The following NHSL1 variants were observed in gnomAD, a reference collection of about 807,000 sequenced individuals.
NHSL1 encodes NHS like 1, also known as NHS-like protein 1.
NHSL1 carries 48 observed loss-of-function variants against 95.0 expected under a neutral mutation model. The ratio of observed to expected loss-of-function variants is 0.51; its 90% CI spans 0.40 to 0.64. The LOEUF (loss-of-function observed/expected upper bound fraction) is 0.64, where lower values mean the gene tolerates loss of function less well. Among genes scored for constraint, NHSL1 ranks in the 30% least tolerant of loss-of-function variants. NHSL1 has a pLI of 0.00. For synonymous variants in NHSL1, 783 were observed against 833.9 expected (o/e 0.94, Z 1.05); for missense variants, 1,971 against 2,077.7 (o/e 0.95, Z 1.00).
chr6:138,607,500 C>T (rs572663102), intron 1 of NHSL1, among the ~76,000 whole-genome samples: 1 of 152,306 alleles, frequency 6.6e-6, no homozygotes, highest in South Asian at 2.1e-4. Flanking sequence ...CACCTTAAAA[C>T]TGTGCGTGTT....
chr6:138,518,995 G>C (rs1781564574), intron 1 of NHSL1, among the ~76,000 whole-genome samples: 1 of 152,036 alleles, frequency 6.6e-6, no homozygotes, highest in Non-Finnish European at 1.5e-5. Context: ...TCCAGCCTGG[G>C]TGACAGAGCA....
At chr6:138,583,983 G>A (rs1285943171) in intron 1 of NHSL1, among the ~76,000 whole-genome samples, 1 of 152,146 alleles carries the variant, frequency 6.6e-6, no homozygotes, top group East Asian at 1.9e-4. Flanking sequence ...GCTGGATGCG[G>A]TGGTGCTCGC....
chr6:138,692,094 CT>C lies in NHSL1; in HGVS notation c.96+381del, dbSNP rs1420433422. 25 of 455,312 alleles carry C rather than the reference CT, an allele frequency of 5.5e-5. No homozygotes were observed. The Admixed American group carries it at 5.9e-4, about 11-fold the overall frequency. 28.2% of individuals were successfully genotyped at this position (455,312 alleles called of 1,614,324 possible). On this transcript the variant is annotated intron_variant, in intron 1 of 3. Coordinates refer to the NHSL1 transcript ENST00000491526. This position sits in a 1 kb window ranked among gnomAD's most constrained non-coding sequence, Gnocchi z 4.0. ...TATATGCCCAAATTTATATTCTCCC[CT>C]GGCTTTTCCAACAGGCTACCTGCCT...
At chr6:138,425,591 T>A (rs1354196031) in intron 7 of NHSL1, among the ~76,000 whole-genome samples, 1 of 152,186 alleles carries the variant, frequency 6.6e-6, no homozygotes, top group Non-Finnish European at 1.5e-5. Flanking sequence ...AAAGTTTTAA[T>A]AATGGCCAGT....
intron 2 of NHSL1, among the ~76,000 whole-genome samples, chr6:138,483,630 A>T (rs4896366): frequency 0.088 from 13,337 of 152,230 alleles, 632 homozygotes; most frequent in Admixed American, 0.098. Flanking sequence ...GGTCTCCTAC[A>T]TTGACACCCC....
chr6:138,428,568 C>T (rs1474400808), intron 7 of NHSL1, among the ~76,000 whole-genome samples: 1 of 152,182 alleles, frequency 6.6e-6, no homozygotes, highest in African/African-American at 2.4e-5. Flanking sequence ...ACGTAAAGAG[C>T]GTAATTCTTG....
At chr6:138,605,980 C>T (rs563693206) in intron 1 of NHSL1, among the ~76,000 whole-genome samples, 99 of 152,328 alleles carry the variant, frequency 6.5e-4, no homozygotes, top group African/African-American at 2.2e-3. Flanking sequence ...TGAACTTCAA[C>T]TATAGGAATA....
chr6:138,502,380 G>C (rs1264560209), upstream of NHSL1, among the ~76,000 whole-genome samples: 3 of 151,816 alleles, frequency 2.0e-5, no homozygotes, highest in Non-Finnish European at 4.4e-5. Flanking sequence ...TATTCTTCTG[G>C]AACTGTATTT....
At chr6:138,563,576 T>C (rs187179780) in intron 1 of NHSL1, among the ~76,000 whole-genome samples, 22 of 152,306 alleles carry the variant, frequency 1.4e-4, no homozygotes, top group Admixed American at 5.2e-4. Context: ...ATACAATAGA[T>C]CGAATTTGTA....
intron 3 of NHSL1, among the ~76,000 whole-genome samples, chr6:138,460,135 A>C (rs540230615): frequency 6.6e-6 from 1 of 152,304 alleles, no homozygotes; most frequent in East Asian, 1.9e-4. Flanking sequence ...CCTACTCTTT[A>C]AAATCTTTGG....
rs796313020 is a variant in NHSL1, at chr6:138,424,231, C to T, written c.4671G>A (p.Arg1557=). The change falls in exon 8 of 8, where the codon AGG becomes AGA. Residue 1557 remains arginine, a synonymous_variant. Coordinates refer to ENST00000343505, the MANE Select transcript of NHSL1 (RefSeq NM_001144060.2). The surrounding 1 kb of genome is among the most constrained non-coding windows in gnomAD (Gnocchi z 5.9). ...AEGCSLDGLA[R]EEMDEGGLLC... Reference sequence around the variant, plus strand: ...GCAGGCCGCCCTCGTCCATCTCCTCCCTCGCCAGTCCGTCCAGGGAACATC... The same window carrying T: ...GCAGGCCGCCCTCGTCCATCTCCTCTCTCGCCAGTCCGTCCAGGGAACATC... 20 of 1,506,604 alleles carry T rather than the reference C, an allele frequency of 1.3e-5. No homozygotes were observed. The African/African-American group carries it at 2.5e-4, about 19-fold the overall frequency. 93.3% of individuals were successfully genotyped at this position (1,506,604 alleles called of 1,614,324 possible).
chr6:138,626,818 C>T lies in NHSL1; in HGVS notation c.96+65658G>A, dbSNP rs1215272012. ...CTGAGGCAGGAGAATGGCGTGAACC[C>T]GGGAGGCGGAGCTTGCAGTGAGCCG... On this transcript the variant is annotated intron_variant, in intron 1 of 3. Coordinates refer to the NHSL1 transcript ENST00000491526. 1.2e-4 allele frequency among the ~76,000 whole-genome samples: 8 copies of T among 66,668 alleles called. 2 individuals carry two copies. Among genetic ancestry groups the T allele is most frequent in the Admixed American group, 1.1e-3 (7 of 6,096 alleles). 43.7% of individuals were successfully genotyped at this position (66,668 alleles called of 152,430 possible).
chr6:138,594,963 A>C (rs1266437861), intron 1 of NHSL1, among the ~76,000 whole-genome samples: 2 of 151,824 alleles, frequency 1.3e-5, no homozygotes, highest in Non-Finnish European at 2.9e-5. Flanking sequence ...CCCCAGCACA[A>C]GCCCCATCCA....
chr6:138,613,278 G>A (rs1380953687), intron 1 of NHSL1, among the ~76,000 whole-genome samples: 2 of 152,250 alleles, frequency 1.3e-5, no homozygotes, highest in South Asian at 2.1e-4. Flanking sequence ...TGATCGAGGT[G>A]GAGTTTTAGA....
intron 1 of NHSL1, among the ~76,000 whole-genome samples, chr6:138,667,163 A>G (rs115517333): frequency 5.8e-4 from 89 of 152,330 alleles, no homozygotes; most frequent in African/African-American, 2.0e-3. Context: ...CCTGCTGTCA[A>G]TATTTCTAAA....
chr6:138,628,512 C>T (rs1461350669), intron 1 of NHSL1, among the ~76,000 whole-genome samples: 2 of 152,116 alleles, frequency 1.3e-5, no homozygotes, highest in African/African-American at 4.8e-5. Flanking sequence ...CTGCATCCTA[C>T]CCTGGTTAAG....
At chr6:138,638,278 T>C (rs1784914345) in intron 1 of NHSL1, among the ~76,000 whole-genome samples, 1 of 152,206 alleles carries the variant, frequency 6.6e-6, no homozygotes, top group African/African-American at 2.4e-5. Flanking sequence ...AGACATAGTA[T>C]TTGACAGCAC....
intron 1 of NHSL1, among the ~76,000 whole-genome samples, chr6:138,535,968 T>C (rs149748621): frequency 5.3e-5 from 8 of 152,220 alleles, no homozygotes; most frequent in African/African-American, 1.9e-4. Flanking sequence ...AGCTAGTTGC[T>C]GGGGGGCCAA....
intron 1 of NHSL1, among the ~76,000 whole-genome samples, chr6:138,569,112 G>A (rs911001792): frequency 6.6e-5 from 10 of 152,268 alleles, no homozygotes; most frequent in Admixed American, 3.3e-4. Flanking sequence ...TGGAGGGGAG[G>A]GAGAACGCCA....
Sources: allele counts gnomAD v4.1 joint callset (sites outside exome capture counted in the v4.1 genomes callset), GRCh38; gene constraint gnomAD v4.1.1; non-coding constraint Gnocchi (gnomAD v3.1); transcripts MANE v1.5; gene names NCBI Gene and HGNC (gene_info 2026-07-23, HGNC 2026-07-21).